Variants in TRMT9B observed in about 807,000 individuals in gnomAD.
TRMT9B encodes the protein probable tRNA methyltransferase 9B.
A neutral mutation model predicts 11.5 loss-of-function variants in TRMT9B; 16 were observed. That is an observed-to-expected ratio of 1.39 (90% confidence interval 0.94 to 2.11). The LOEUF (loss-of-function observed/expected upper bound fraction) is 2.11, where lower values mean the gene tolerates loss of function less well. TRMT9B is among the 30% of genes most tolerant of loss of function. The probability of loss-of-function intolerance (pLI) is 0.00; values close to 1 mark genes in which losing one functional copy is unlikely to be tolerated. For missense variants in TRMT9B, 941 were observed against 553.8 expected (o/e 1.70, Z -7.02); for synonymous variants, 274 against 192.4 (o/e 1.42, Z -3.51).
At chr8:13,011,249 G>C (rs564455835) in intron 3 of TRMT9B, 1 of 952,048 alleles carries the variant, frequency 1.1e-6, no homozygotes, top group Non-Finnish European at 1.3e-6. Flanking sequence ...GCCTCCCAAA[G>C]TGCTAGGATT....
chr8:12,984,123 A>G (rs540387649), intron 1 of TRMT9B, among the ~76,000 whole-genome samples: 13 of 152,328 alleles, frequency 8.5e-5, no homozygotes, highest in Admixed American at 7.2e-4. Context: ...ACTTTGCTTC[A>G]TGCCCAAAAT....
rs138586332 is a variant in TRMT9B, at chr8:12,954,579, A to G, written c.-200+8613A>G. Among the ~76,000 whole-genome samples the G allele has an allele frequency of 4.3e-3, 651 of 152,346 alleles. 1 individual carries two copies. Among genetic ancestry groups the G allele is most frequent in the Middle Eastern group, 0.017 (5 of 294 alleles). The stretch of plus-strand genomic sequence containing the variant: ...TTAGGCTGTCAGCGCTTGTCTGTGC[A>G]ATCTTATGTTTTTACTCGTAGATAA... On this transcript the variant is annotated intron_variant, in intron 1 of 4. Coordinates refer to ENST00000524591, the MANE Select transcript of TRMT9B (RefSeq NM_020844.3).
intron 1 of TRMT9B, among the ~76,000 whole-genome samples, chr8:12,969,601 T>C (rs539222846): frequency 7.9e-5 from 12 of 152,282 alleles, no homozygotes; most frequent in Middle Eastern, 3.4e-3. Context: ...ATGTATCTCT[T>C]ATTTGTATTA....
At chr8:13,001,903 C>T (rs913614315) in intron 2 of TRMT9B, among the ~76,000 whole-genome samples, 7 of 152,130 alleles carry the variant, frequency 4.6e-5, no homozygotes, top group African/African-American at 9.7e-5. Context: ...TCTGGAAACC[C>T]GTGCTCTTGT....
intron 2 of TRMT9B, among the ~76,000 whole-genome samples, 194 bp from the exon 3 acceptor site, chr8:13,006,008 T>C (rs990099674): frequency 8.5e-5 from 13 of 152,234 alleles, no homozygotes; most frequent in African/African-American, 3.1e-4. Context: ...GTAAAAACCA[T>C]GCATTTGCTA....
intron 2 of TRMT9B, among the ~76,000 whole-genome samples, chr8:12,992,023 C>T (rs756958242): frequency 3.3e-5 from 5 of 152,178 alleles, no homozygotes; most frequent in African/African-American, 4.8e-5. Flanking sequence ...CTCCAAGTGC[C>T]CATTGACTCA....
intron 2 of TRMT9B, among the ~76,000 whole-genome samples, chr8:13,004,172 G>A (rs79276641): frequency 0.016 from 2,503 of 152,046 alleles, 56 homozygotes; most frequent in African/African-American, 0.055. Context: ...GTTCCGGCAG[G>A]CCTCACCACT....
chr8:12,952,277 G>C (rs1323461276), intron 1 of TRMT9B: 3 of 398,376 alleles, frequency 7.5e-6, no homozygotes, highest in South Asian at 5.1e-5. Context: ...CCGCTGCCTC[G>C]GCGCCCGCCC....
chr8:12,952,676 A>G (rs1193869776), intron 1 of TRMT9B: 6 of 984,652 alleles, frequency 6.1e-6, no homozygotes, highest in Non-Finnish European at 7.2e-6. Context: ...ATGAAAATAC[A>G]GTTTAAGAAG....
intron 2 of TRMT9B, among the ~76,000 whole-genome samples, chr8:12,992,229 A>G (rs1300906597): frequency 6.6e-6 from 1 of 152,214 alleles, no homozygotes; most frequent in Non-Finnish European, 1.5e-5. Context: ...AGAGATATAT[A>G]AAAACATCAC....
chr8:12,965,725 G>C (rs535082135), intron 1 of TRMT9B, among the ~76,000 whole-genome samples: 1 of 152,130 alleles, frequency 6.6e-6, no homozygotes, highest in African/African-American at 2.4e-5. Context: ...CAGCAAGGTG[G>C]GGCAGGCTGG....
At chr8:12,998,740 C>T (rs1359061581) in intron 2 of TRMT9B, among the ~76,000 whole-genome samples, 4 of 152,216 alleles carry the variant, frequency 2.6e-5, no homozygotes, top group Non-Finnish European at 5.9e-5. Context: ...AGTGTCATCT[C>T]CTTGATGAGA....
intron 1 of TRMT9B, among the ~76,000 whole-genome samples, chr8:12,955,628 T>G (rs567023390): frequency 6.6e-6 from 1 of 152,356 alleles, no homozygotes; most frequent in South Asian, 2.1e-4. Flanking sequence ...TCCATGGTTC[T>G]TCTGGGGTGT....
At chr8:12,964,325 A>C (rs138442989) in intron 1 of TRMT9B, among the ~76,000 whole-genome samples, 1 of 152,350 alleles carries the variant, frequency 6.6e-6, no homozygotes, top group African/African-American at 2.4e-5. Context: ...TGTATTTTAC[A>C]AAATAGATGG....
chr8:13,002,429 T>C (rs1438225290), intron 2 of TRMT9B, among the ~76,000 whole-genome samples: 1 of 152,238 alleles, frequency 6.6e-6, no homozygotes, highest in Non-Finnish European at 1.5e-5. Flanking sequence ...TTCTCTTGTG[T>C]GGGCAGTTAT....
intron 1 of TRMT9B, among the ~76,000 whole-genome samples, chr8:12,980,047 G>C (rs1033447824): frequency 6.6e-6 from 1 of 152,180 alleles, no homozygotes; most frequent in Non-Finnish European, 1.5e-5. Flanking sequence ...ATTGAATCTA[G>C]GTCATAGGGC....
chr8:12,974,279 T>G (rs1264991166), intron 1 of TRMT9B, among the ~76,000 whole-genome samples: 1 of 151,804 alleles, frequency 6.6e-6, no homozygotes, highest in East Asian at 1.9e-4. Context: ...GAGTGAAGGA[T>G]GCAACAAGAG....
At position 13,022,038 on chromosome 8, in the gene TRMT9B, T is replaced by C; in HGVS notation, c.1359T>C (p.Cys453=). ...TCATTGCAGAGAAAAAGAGAGGTTG[T>C]GATTGATTGGATCCTTTTAGACAAC... The part of the protein sequence containing the change: ...WCIIAEKKRG[C]D Residue 453 remains cysteine, a synonymous_variant, in exon 5 of 5, where the codon TGT becomes TGC. Transcript: ENST00000524591. 6.4e-7 allele frequency: 1 copy of C among 1,573,142 alleles called. No homozygotes were observed. The highest frequency in any genetic ancestry group is 8.6e-7 in the Non-Finnish European group (1 of 1,161,802).
chr8:13,011,422 G>C, intron 3 of TRMT9B: 5 of 985,376 alleles, frequency 5.1e-6, no homozygotes, highest in Non-Finnish European at 6.0e-6. Context: ...TATTTCAGAA[G>C]CAGCAAACTA....
Sources: gnomAD v4.1 joint callset for allele counts (sites outside exome capture counted in the v4.1 genomes callset) on GRCh38, gnomAD v4.1.1 for gene constraint, MANE v1.5 for transcripts, NCBI Gene and HGNC (gene_info 2026-07-23, HGNC 2026-07-21) for gene names.